Variants in HTD2 observed in about 807,000 individuals in gnomAD.
HTD2 encodes hydroxyacyl-thioester dehydratase type 2.
In HTD2, 1 loss-of-function variant was observed where a neutral mutation model predicts 3.1. That is an observed-to-expected ratio of 0.32 (90% CI 0.11 to 1.52). The LOEUF (loss-of-function observed/expected upper bound fraction) is 1.52, where lower values mean the gene tolerates loss of function less well. HTD2 is among the 40% of genes most tolerant of loss of function. The probability of loss-of-function intolerance (pLI) is 0.39; values close to 1 mark genes in which losing one functional copy is unlikely to be tolerated. For missense variants in HTD2, 150 were observed against 79.6 expected, an observed-to-expected ratio of 1.88 and a Z score of -3.36; for synonymous variants, 50 against 28.9, an observed-to-expected ratio of 1.73 and a Z score of -2.34.
intron 2 of HTD2, among the ~76,000 whole-genome samples, chr3:58,311,810 C>G (rs1478276168): frequency 6.6e-6 from 1 of 151,522 alleles, no homozygotes; most frequent in African/African-American, 2.4e-5. Flanking sequence ...TTTCCTTTCT[C>G]TTGGATTTAT....
rs144368271 is a variant in HTD2 at position 58,311,407 on chromosome 3, G to A, written c.-331+816G>A. Among the ~76,000 whole-genome samples the A allele has an allele frequency of 5.8e-3, 882 of 152,264 alleles. 5 individuals are homozygous for A. The highest frequency in any genetic ancestry group is 0.01 in the Non-Finnish European group (687 of 68,018). ...TGACCTCAGGTGATCCACGCGCCTTGGGCTCCCAAAGTGCTGGATTACAGG... is the reference window on the plus strand; with the variant it reads ...TGACCTCAGGTGATCCACGCGCCTTAGGCTCCCAAAGTGCTGGATTACAGG... On this transcript the variant is annotated intron_variant, in intron 2 of 4. Transcript: ENST00000461393.
intron 1 of HTD2, among the ~76,000 whole-genome samples, chr3:58,308,444 T>G: frequency 6.9e-6 from 1 of 145,834 alleles, no homozygotes; most frequent in East Asian, 2.4e-4. Flanking sequence ...CTACCATGCC[T>G]GGTTAATTTA....
intron 2 of HTD2, among the ~76,000 whole-genome samples, chr3:58,311,561 C>T (rs376224662): frequency 1.3e-5 from 2 of 152,140 alleles, no homozygotes; most frequent in East Asian, 3.8e-4. Flanking sequence ...ATTCATGATG[C>T]TGCAAATGAC....
intron 2 of HTD2, among the ~76,000 whole-genome samples, chr3:58,311,042 A>T (rs1010342315): frequency 2.0e-5 from 3 of 151,746 alleles, no homozygotes; most frequent in Non-Finnish European, 2.9e-5. Flanking sequence ...ACACATTTGT[A>T]TTCCTTTTTT....
chr3:58,316,816 T>C (rs2097488741), intron 3 of HTD2, 99 bp from the exon 4 acceptor site: 3 of 1,099,306 alleles, frequency 2.7e-6, no homozygotes, highest in South Asian at 1.4e-5. Flanking sequence ...TTGATGGTTA[T>C]AGTTGCAAAG....
Position 58,317,442 on chromosome 3 carries a change from T to G in HTD2, c.-172T>G. ...TAACCTTTTTCTTTCTCTTCTAGGT[T>G]TCTCCATTTCTTCTTGCATTATCTG... On this transcript the variant is annotated splice_region_variant and 5_prime_UTR_variant, in exon 5 of 5. Coordinates refer to ENST00000461393, the MANE Select transcript of HTD2 (RefSeq NM_001348712.2). 1 of 1,593,502 alleles carries G rather than the reference T, an allele frequency of 6.3e-7. No homozygotes were observed. Among genetic ancestry groups the G allele is most frequent in the Non-Finnish European group, 8.6e-7 (1 of 1,162,524 alleles).
intron 2 of HTD2, 146 bp from the exon 3 acceptor site, chr3:58,316,369 A>G (rs966522104): frequency 2.5e-5 from 17 of 670,772 alleles, no homozygotes; most frequent in Admixed American, 1.4e-4. Context: ...GGGAGCTGTA[A>G]GTAGGCAACT....
At chr3:58,315,398 G>A (rs968773913) in intron 2 of HTD2, among the ~76,000 whole-genome samples, 2 of 152,112 alleles carry the variant, frequency 1.3e-5, no homozygotes, top group Non-Finnish European at 2.9e-5. Flanking sequence ...AGGGGTGGGT[G>A]TGGCTGTAAA....
rs766782651 is a variant in HTD2, at chr3:58,318,624, G to C, written c.*504G>C. ...GAGCTGGAGGTTATGGTGAGAAACT[G>C]AGATTGCACCACTGCACTGTAGCCT... On this transcript the variant is annotated 3_prime_UTR_variant, in exon 5 of 5. Transcript: ENST00000461393. 1 of 153,160 alleles carries C rather than the reference G, an allele frequency of 6.5e-6. No homozygotes were observed. The highest frequency in any genetic ancestry group is 2.0e-4 in the South Asian group (1 of 4,900). 9.5% of individuals were successfully genotyped at this position (153,160 alleles called of 1,614,324 possible).
At chr3:58,310,165 C>T (rs1207582957) in intron 1 of HTD2, 1 of 619,870 alleles carries the variant, frequency 1.6e-6, no homozygotes, top group East Asian at 2.8e-5. Context: ...TCTGATTGTA[C>T]CACTGCACTT....
intron 3 of HTD2, 104 bp from the exon 4 acceptor site, chr3:58,316,811 G>GGTTA: frequency 9.4e-7 from 1 of 1,060,194 alleles, no homozygotes; most frequent in Non-Finnish European, 1.4e-6. Context: ...TCCCATTGAT[G>GGTTA]GTTATAGTTG....
chr3:58,317,028 C>CT (rs1442267484), intron 4 of HTD2, 35 bp downstream of exon 4: 1 of 1,460,374 alleles, frequency 6.8e-7, no homozygotes, highest in Non-Finnish European at 9.6e-7. Flanking sequence ...CCAAACAAGA[C>CT]TGAGTGATGG....
At chr3:58,315,760 T>G (rs1409367888) in intron 2 of HTD2, 1 of 152,376 alleles carries the variant, frequency 6.6e-6, no homozygotes, top group Non-Finnish European at 1.5e-5. Context: ...CACCGCACCC[T>G]CCGCCTCCCA....
At chr3:58,314,500 C>T (rs1453075831) in intron 2 of HTD2, among the ~76,000 whole-genome samples, 4 of 151,986 alleles carry the variant, frequency 2.6e-5, no homozygotes, top group African/African-American at 7.3e-5. Flanking sequence ...TAACATTAGC[C>T]ATTAGGGAAA....
chr3:58,311,749 G>C (rs191723532), intron 2 of HTD2, among the ~76,000 whole-genome samples: 25 of 151,732 alleles, frequency 1.6e-4, no homozygotes, highest in African/African-American at 5.8e-4. Context: ...CAAAGTGCTG[G>C]GATGACAGCA....
chr3:58,307,634 G>A (rs2097476950), intron 1 of HTD2: 1 of 152,158 alleles, frequency 6.6e-6, no homozygotes, highest in Admixed American at 6.5e-5. Flanking sequence ...ACTGAGGAGC[G>A]AGAATTGCTT....
At chr3:58,315,738 AC>A (rs1292677452) in intron 2 of HTD2, 2 of 152,352 alleles carry the variant, frequency 1.3e-5, no homozygotes, top group African/African-American at 4.8e-5. Context: ...GTGCAATGGC[AC>A]GATCTTGGCT....
At chr3:58,313,271 C>T (rs377138698) in intron 2 of HTD2, among the ~76,000 whole-genome samples, 31 of 152,084 alleles carry the variant, frequency 2.0e-4, no homozygotes, top group African/African-American at 7.0e-4. Flanking sequence ...AAAAAAGGCT[C>T]CTCATGAAAA....
intron 2 of HTD2, among the ~76,000 whole-genome samples, chr3:58,312,960 C>CAAAAA (rs35853424): frequency 1.3e-5 from 1 of 79,046 alleles, no homozygotes; most frequent in Non-Finnish European, 2.4e-5. Flanking sequence ...GACTCTGTCT[C>CAAAAA]AAAAAAAAAA....
Sources: gnomAD v4.1 joint callset for allele counts (sites outside exome capture counted in the v4.1 genomes callset) on GRCh38, gnomAD v4.1.1 for gene constraint, MANE v1.5 for transcripts, NCBI Gene and HGNC (gene_info 2026-07-23, HGNC 2026-07-21) for gene names.